The following MAGI2 variants were observed in gnomAD, a reference collection of about 807,000 sequenced individuals.
The protein encoded by MAGI2 is membrane associated guanylate kinase, WW and PDZ domain containing 2.
In MAGI2, 35 loss-of-function variants were observed where a neutral mutation model predicts 133.3. The ratio of observed to expected loss-of-function variants is 0.26; its 90% CI spans 0.20 to 0.35. The LOEUF is 0.35. Ranked by LOEUF, MAGI2 falls within the 10% of genes least tolerant of loss-of-function variation. MAGI2 has a pLI of 1.00. For missense variants in MAGI2, 1,636 were observed against 1,863.4 expected (o/e 0.88, Z 2.25); for synonymous variants, 729 against 710.6 (o/e 1.03, Z -0.41).
intron 6 of MAGI2, among the ~76,000 whole-genome samples, chr7:78,402,457 G>A (rs1796981720): frequency 6.6e-6 from 1 of 152,048 alleles, no homozygotes; most frequent in African/African-American, 2.4e-5. Context: ...CCTCGGGCGT[G>A]TGTGTGTGCA....
intron 2 of MAGI2, among the ~76,000 whole-genome samples, chr7:78,736,119 AC>A (rs2151238763): frequency 6.6e-6 from 1 of 152,350 alleles, no homozygotes; most frequent in East Asian, 1.9e-4. Flanking sequence ...AAACCATCTC[AC>A]ATAACCAATG....
chr7:78,079,093 T>A lies in MAGI2; in HGVS notation c.3568-8A>T. 18 of 1,612,206 alleles carry A rather than the reference T, an allele frequency of 1.1e-5. No homozygotes were observed. Among genetic ancestry groups the A allele is most frequent in the Non-Finnish European group, 1.5e-5 (18 of 1,179,620 alleles). ...AATGATTTGATCTCCTACCTGTTGA[T>A]TAAAGAAAAATTAAGTCAGCCAAAG... On this transcript the variant is annotated splice_polypyrimidine_tract_variant and splice_region_variant and intron_variant, in intron 20 of 21. Transcript: ENST00000354212.
At chr7:78,689,691 T>C (rs1816754956) in intron 2 of MAGI2, among the ~76,000 whole-genome samples, 1 of 147,264 alleles carries the variant, frequency 6.8e-6, no homozygotes, top group Non-Finnish European at 1.5e-5. Context: ...GCTTTTTTTT[T>C]TTTTTTTTTT....
At chr7:78,083,387 G>GGAGAGGGAGAGAGAGAGA (rs1816232684) in intron 20 of MAGI2, among the ~76,000 whole-genome samples, 3 of 33,308 alleles carry the variant, frequency 9.0e-5, no homozygotes, top group African/African-American at 3.9e-4. Context: ...AGGGAGGGGG[G>GGAGAGGGAGAGAGAGAGA]GAGAGAGAGA....
At chr7:79,294,055 A>G (rs770581432) in intron 1 of MAGI2, among the ~76,000 whole-genome samples, 53 of 151,712 alleles carry the variant, frequency 3.5e-4, no homozygotes, top group Non-Finnish European at 6.8e-4. Context: ...TGCTGGCGTG[A>G]GTCTGTAATC....
chr7:79,075,388 A>G (rs1815371226), intron 1 of MAGI2, among the ~76,000 whole-genome samples: 1 of 152,110 alleles, frequency 6.6e-6, no homozygotes, highest in Non-Finnish European at 1.5e-5. Flanking sequence ...AGGCAACACT[A>G]TTTGCCATAG....
chr7:78,053,031 T>TA (rs1812183381), intron 21 of MAGI2, among the ~76,000 whole-genome samples: 2 of 152,038 alleles, frequency 1.3e-5, no homozygotes, highest in South Asian at 4.1e-4. Context: ...TATTGTCAAA[T>TA]AAAAAAAGCA....
chr7:79,119,815 T>C (rs769163562), intron 1 of MAGI2, among the ~76,000 whole-genome samples: 4 of 152,016 alleles, frequency 2.6e-5, no homozygotes, highest in Non-Finnish European at 5.9e-5. Context: ...TAATGTATTA[T>C]GGTGTGAGGA....
At position 79,438,371 on chromosome 7, in the gene MAGI2, T is replaced by C. The variant is rs79022691; in HGVS notation, c.301+14649A>G. 8.7e-3 allele frequency among the ~76,000 whole-genome samples: 1,326 copies of C among 152,248 alleles called. 13 individuals are homozygous for C. The highest frequency in any genetic ancestry group is 0.031 in the African/African-American group (1,276 of 41,558). ...GTCAACTCACCATCTTTAATTCCAA[T>C]GCCTAATCTAAATTGCTTTAAGTAA... On this transcript the variant is annotated intron_variant, in intron 1 of 21. Transcript: ENST00000354212.
intron 1 of MAGI2, among the ~76,000 whole-genome samples, chr7:79,402,491 T>G (rs969783882): frequency 3.9e-5 from 6 of 152,146 alleles, no homozygotes; most frequent in Non-Finnish European, 8.8e-5. Flanking sequence ...TTTCCATAGT[T>G]TAAAAATGAG....
intron 1 of MAGI2, among the ~76,000 whole-genome samples, chr7:79,146,733 A>G (rs1822668322): frequency 1.3e-5 from 2 of 152,190 alleles, no homozygotes; most frequent in South Asian, 4.1e-4. Flanking sequence ...CTCCCCATCC[A>G]TGTGGAACTG....
chr7:79,028,827 C>A (rs1016327887), intron 1 of MAGI2, among the ~76,000 whole-genome samples: 1 of 151,996 alleles, frequency 6.6e-6, no homozygotes, highest in African/African-American at 2.4e-5. Context: ...TTATTTTGGA[C>A]TGATAAGCTA....
intron 9 of MAGI2, among the ~76,000 whole-genome samples, chr7:78,338,262 G>T (rs551530276): frequency 6.6e-6 from 1 of 152,188 alleles, no homozygotes; most frequent in Admixed American, 6.5e-5. Context: ...GCGGCGTACC[G>T]CTTTTTCTAG....
chr7:78,190,524 A>C (rs1453384788), intron 12 of MAGI2, among the ~76,000 whole-genome samples: 2 of 152,192 alleles, frequency 1.3e-5, no homozygotes, highest in Non-Finnish European at 2.9e-5. Flanking sequence ...ATTGATAATC[A>C]CGCCAGGACA....
At chr7:78,184,064 A>G (rs1262683210) in intron 13 of MAGI2, among the ~76,000 whole-genome samples, 1 of 152,246 alleles carries the variant, frequency 6.6e-6, no homozygotes, top group Non-Finnish European at 1.5e-5. Context: ...TACTTTGCAT[A>G]TATGTCAAAG....
At chr7:78,964,138 C>CT (rs199521542) in intron 2 of MAGI2, among the ~76,000 whole-genome samples, 3,958 of 150,656 alleles carry the variant, frequency 0.026, 170 homozygotes, top group African/African-American at 0.091. Flanking sequence ...CATCTACGCT[C>CT]TTTTTTTTTC....
chr7:79,312,876 C>A (rs550933071), intron 1 of MAGI2, among the ~76,000 whole-genome samples: 8 of 152,230 alleles, frequency 5.3e-5, no homozygotes, highest in Admixed American at 2.6e-4. Flanking sequence ...TGCAGTTGCA[C>A]CGTACAGGCA....
chr7:78,448,816 C>T (rs1486416448), intron 6 of MAGI2, among the ~76,000 whole-genome samples: 2 of 152,036 alleles, frequency 1.3e-5, no homozygotes, highest in African/African-American at 4.8e-5. Flanking sequence ...GAAAACTGCT[C>T]ATTGTGTGTA....
intron 6 of MAGI2, chr7:78,484,067 A>G (rs1036208020): frequency 6.6e-6 from 1 of 151,968 alleles, no homozygotes; most frequent in Non-Finnish European, 1.5e-5. Context: ...AAATTTAATG[A>G]GAAAGGCCAA....
Sources: allele counts gnomAD v4.1 joint callset (sites outside exome capture counted in the v4.1 genomes callset), GRCh38; gene constraint gnomAD v4.1.1; transcripts MANE v1.5; gene names NCBI Gene and HGNC (gene_info 2026-07-23, HGNC 2026-07-21).